Variants in SLIT3 observed in about 807,000 individuals in gnomAD.
SLIT3 encodes slit homolog 3 protein.
Under a neutral mutation model 184.0 loss-of-function variants are expected in SLIT3, and 68 were observed. The observed-to-expected ratio is 0.37, with a 90% CI of 0.30 to 0.45. The LOEUF is 0.45. Among genes scored for constraint, SLIT3 ranks in the 20% least tolerant of loss-of-function variants. The probability of loss-of-function intolerance (pLI) is 1.00; values close to 1 mark genes in which losing one functional copy is unlikely to be tolerated. For synonymous variants in SLIT3, 831 were observed against 828.6 expected, an observed-to-expected ratio of 1.00 and a Z score of -0.05; for missense variants, 1,707 against 2,026.0, an observed-to-expected ratio of 0.84 and a Z score of 3.02.
chr5:168,788,685 C>T (rs913132372), intron 11 of SLIT3, among the ~76,000 whole-genome samples: 1 of 151,664 alleles, frequency 6.6e-6, no homozygotes, highest in African/African-American at 2.4e-5. Flanking sequence ...ATCCCTGTCT[C>T]GGTGGAGCTT....
intron 4 of SLIT3, among the ~76,000 whole-genome samples, chr5:169,107,565 G>A (rs961271981): frequency 1.3e-5 from 2 of 152,222 alleles, no homozygotes; most frequent in African/African-American, 2.4e-5. Flanking sequence ...ACAGCCCCAG[G>A]GAGGAGGCAT....
chr5:168,794,926 C>G (rs68164618), intron 10 of SLIT3, among the ~76,000 whole-genome samples: 23,788 of 152,150 alleles, frequency 0.16, 2,162 homozygotes, highest in South Asian at 0.35. Flanking sequence ...ACCTAAAAGA[C>G]ACCCTCCCAC....
intron 4 of SLIT3, among the ~76,000 whole-genome samples, chr5:168,947,096 A>G (rs1324549459): frequency 6.6e-6 from 1 of 152,158 alleles, no homozygotes; most frequent in Non-Finnish European, 1.5e-5. Flanking sequence ...AGTATTGTCT[A>G]TGGAAGTAAG....
Position 169,216,286 on chromosome 5 carries a change from C to T in SLIT3, c.342-22736G>A, listed in dbSNP as rs78310332. Among the ~76,000 whole-genome samples, 187 of 152,332 alleles carry T rather than the reference C, an allele frequency of 1.2e-3. 1 individual carries two copies. Among genetic ancestry groups the T allele is most frequent in the African/African-American group, 4.2e-3 (175 of 41,588 alleles). On this transcript the variant is annotated intron_variant, in intron 3 of 35. Coordinates refer to ENST00000519560, the MANE Select transcript of SLIT3 (RefSeq NM_003062.4). ...CCTTATCCACCATCTCCAGGTCTGA[C>T]ACTGCTTTCCTGTGTCCAATGGATT...
chr5:169,088,335 A>G (rs1465138528), intron 4 of SLIT3, among the ~76,000 whole-genome samples: 2 of 151,360 alleles, frequency 1.3e-5, no homozygotes, highest in African/African-American at 4.9e-5. Flanking sequence ...ATCATCCAGG[A>G]GTTTGCAAAA....
rs184816873 is a variant in SLIT3 at position 168,772,693 on chromosome 5, T to C, written c.1459+88A>G. 1,397 of 1,460,436 alleles carry C rather than the reference T, an allele frequency of 9.6e-4. 5 individuals are homozygous for C. In the African/African-American group the frequency reaches 0.015, roughly 16 times the overall value. 90.5% of individuals were successfully genotyped at this position (1,460,436 alleles called of 1,614,324 possible). A position where few individuals can be genotyped will look rare whatever the true frequency, so the allele number is the denominator to read the frequency against. On this transcript the variant is annotated intron_variant, in intron 14 of 35. Coordinates refer to ENST00000519560, the MANE Select transcript of SLIT3 (RefSeq NM_003062.4). ...TGCTCCCCAGGAGCCATTACAGTGCTCGCTGTCCTCCAGATTGGATTATTG... is the reference window on the plus strand; with the variant it reads ...TGCTCCCCAGGAGCCATTACAGTGCCCGCTGTCCTCCAGATTGGATTATTG...
Position 168,722,973 on chromosome 5 carries a change from T to C in SLIT3, c.2371A>G (p.Thr791Ala). The C allele has an allele frequency of 6.2e-7, 1 of 1,614,066 alleles. No homozygotes were observed. The highest frequency in any genetic ancestry group is 8.5e-7 in the Non-Finnish European group (1 of 1,179,908). ...DLSNNSISML[T>A]NYTFSNMSHL... ...GACATGTTACTGAAGGTGTAATTGG[T>C]CAGCATGCTGATGCTGTTGTTGCTC... The change falls in exon 22 of 36, where the codon ACC becomes GCC. Residue 791 changes from threonine (T) to alanine (A), a missense_variant. This residue lies in a region of SLIT3 where 1,307 missense variants were observed against 1,511.6 expected (regional missense o/e 0.86). Coordinates refer to ENST00000519560, the MANE Select transcript of SLIT3 (RefSeq NM_003062.4).
At position 168,817,815 on chromosome 5, in the gene SLIT3, T is replaced by C. The variant is rs140323668; in HGVS notation, c.630-352A>G. Among the ~76,000 whole-genome samples the C allele has an allele frequency of 3.5e-3, 540 of 152,310 alleles. 9 individuals are homozygous for C. Among genetic ancestry groups the C allele is most frequent in the African/African-American group, 0.012 (511 of 41,550 alleles). On this transcript the variant is annotated intron_variant, in intron 7 of 35. Coordinates refer to ENST00000519560, the MANE Select transcript of SLIT3 (RefSeq NM_003062.4). ...TCAAACTTACAAAAGGGCTATTTAT[T>C]TGTAAATTTCAGCACTTTAGCCAGC...
intron 4 of SLIT3, among the ~76,000 whole-genome samples, chr5:169,007,884 T>G (rs1581295779): frequency 6.6e-6 from 1 of 152,232 alleles, no homozygotes; most frequent in Non-Finnish European, 1.5e-5. Flanking sequence ...ACATTAATCT[T>G]CCCTGTGAAT....
At chr5:168,691,414 C>A (rs1197205647) in intron 29 of SLIT3, among the ~76,000 whole-genome samples, 1 of 152,212 alleles carries the variant, frequency 6.6e-6, no homozygotes, top group Non-Finnish European at 1.5e-5. Context: ...GTCACAAATA[C>A]CCCCAGAGTC....
At chr5:168,913,870 A>G (rs567308698) in intron 4 of SLIT3, among the ~76,000 whole-genome samples, 17 of 152,330 alleles carry the variant, frequency 1.1e-4, no homozygotes, top group African/African-American at 4.1e-4. Context: ...ATTTTCTTAT[A>G]TATCTTTCTT....
intron 20 of SLIT3, among the ~76,000 whole-genome samples, chr5:168,733,514 G>C (rs1043732552): frequency 6.6e-6 from 1 of 152,068 alleles, no homozygotes; most frequent in Non-Finnish European, 1.5e-5. Context: ...CACTATTCAC[G>C]ATAGCAAAGA....
chr5:168,794,269 G>T (rs1756487856), intron 10 of SLIT3, among the ~76,000 whole-genome samples: 2 of 152,138 alleles, frequency 1.3e-5, no homozygotes, highest in Admixed American at 6.6e-5. Flanking sequence ...TGTGAAAAGA[G>T]TAAGTGGAAT....
intron 20 of SLIT3, among the ~76,000 whole-genome samples, chr5:168,741,798 GC>G (rs1353311050): frequency 6.8e-6 from 1 of 147,174 alleles, no homozygotes; most frequent in African/African-American, 2.5e-5. Context: ...TGCACAAAGG[GC>G]TAAGTGCTTT....
At chr5:169,215,328 C>T (rs1764400063) in intron 3 of SLIT3, among the ~76,000 whole-genome samples, 1 of 152,202 alleles carries the variant, frequency 6.6e-6, no homozygotes, top group Non-Finnish European at 1.5e-5. Context: ...TAGGTCTCAG[C>T]TGAGAGGGCA....
At chr5:168,868,481 G>A (rs555293095) in intron 5 of SLIT3, among the ~76,000 whole-genome samples, 17 of 152,198 alleles carry the variant, frequency 1.1e-4, no homozygotes, top group Admixed American at 4.6e-4. Flanking sequence ...CGGGCGCAGC[G>A]GCTCACGCCT....
At chr5:169,263,784 C>T (rs1350011583) in intron 1 of SLIT3, 6 of 446,292 alleles carry the variant, frequency 1.3e-5, no homozygotes, top group South Asian at 6.7e-5. Flanking sequence ...TTTACCCTCT[C>T]TCTGCACAAC....
At chr5:169,208,351 G>A (rs779220076) in intron 3 of SLIT3, among the ~76,000 whole-genome samples, 1 of 152,090 alleles carries the variant, frequency 6.6e-6, no homozygotes, top group Non-Finnish European at 1.5e-5. Context: ...AGTTCTCCTT[G>A]CAGAGGTCCT....
intron 5 of SLIT3, among the ~76,000 whole-genome samples, chr5:168,865,339 T>C (rs568502996): frequency 1.2e-3 from 190 of 152,280 alleles, no homozygotes; most frequent in Non-Finnish European, 2.4e-3. Context: ...ACAATCCAAA[T>C]GCCCATCAAC....
Sources: gnomAD v4.1 joint callset for allele counts (sites outside exome capture counted in the v4.1 genomes callset) on GRCh38, gnomAD v4.1.1 for gene constraint, gnomAD v4.1.1 regional missense constraint, MANE v1.5 for transcripts, NCBI Gene and HGNC (gene_info 2026-07-23, HGNC 2026-07-21) for gene names.